Variants in MTUS2 observed in about 807,000 individuals in gnomAD.
MTUS2 encodes microtubule-associated tumor suppressor candidate 2.
In MTUS2, 40 loss-of-function variants were observed where a neutral mutation model predicts 114.1. That is an observed-to-expected ratio of 0.35 (90% CI 0.27 to 0.46). The LOEUF (loss-of-function observed/expected upper bound fraction) is 0.46, where lower values mean the gene tolerates loss of function less well. MTUS2 is among the 20% of genes least tolerant of loss of function. MTUS2 has a pLI of 1.00. For synonymous variants in MTUS2, 688 were observed against 672.0 expected (o/e 1.02, Z -0.37); for missense variants, 1,679 against 1,705.4 (o/e 0.98, Z 0.27).
At chr13:28,899,470 C>T (rs183752042) in intron 2 of MTUS2, among the ~76,000 whole-genome samples, 8 of 152,220 alleles carry the variant, frequency 5.3e-5, no homozygotes, top group East Asian at 1.9e-4. Context: ...AGTGCAGTGG[C>T]GTGATCTCGG....
At chr13:28,854,204 G>T (rs1293882946) in intron 2 of MTUS2, among the ~76,000 whole-genome samples, 1 of 152,170 alleles carries the variant, frequency 6.6e-6, no homozygotes, top group Non-Finnish European at 1.5e-5. Flanking sequence ...CAGGTCATTT[G>T]TATGCACATT....
intron 8 of MTUS2, among the ~76,000 whole-genome samples, chr13:29,369,510 T>A (rs1871033675): frequency 6.6e-6 from 1 of 152,124 alleles, no homozygotes; most frequent in South Asian, 2.1e-4. Context: ...ACAGCTCAGC[T>A]CCTTTCATTT....
intron 9 of MTUS2, among the ~76,000 whole-genome samples, chr13:29,460,016 A>G (rs1879372523): frequency 6.6e-6 from 1 of 152,216 alleles, no homozygotes; most frequent in African/African-American, 2.4e-5. Flanking sequence ...CTTGCAGACC[A>G]CAGGTATATC....
rs561632935 is a variant in MTUS2, at chr13:28,994,609, G to A, written c.-242-29848G>A. 5.9e-5 allele frequency among the ~76,000 whole-genome samples: 9 copies of A among 152,268 alleles called. No individual in the cohort carries two copies. In the South Asian group the frequency reaches 8.3e-4, roughly 14 times the overall value. ...ATCGCTATTCTAAATGGTGTGAGAC[G>A]GTATCTCATTGTGGTTTTGATTTTC... On this transcript the variant is annotated intron_variant, in intron 2 of 15. Coordinates refer to ENST00000612955, the MANE Select transcript of MTUS2 (RefSeq NM_001033602.4).
chr13:29,300,635 T>A (rs950626809), intron 6 of MTUS2, among the ~76,000 whole-genome samples: 3 of 151,932 alleles, frequency 2.0e-5, no homozygotes, highest in Non-Finnish European at 4.4e-5. Flanking sequence ...TTCTACTAGC[T>A]ATATTACATT....
intron 5 of MTUS2, among the ~76,000 whole-genome samples, chr13:29,253,057 T>A (rs1282313627): frequency 6.6e-6 from 1 of 150,668 alleles, no homozygotes; most frequent in South Asian, 2.1e-4. Flanking sequence ...TTGGGACTTT[T>A]CTGTCATTTT....
chr13:29,337,475 C>T (rs1358109823), intron 7 of MTUS2, among the ~76,000 whole-genome samples: 1 of 152,212 alleles, frequency 6.6e-6, no homozygotes, highest in Non-Finnish European at 1.5e-5. Context: ...ATGGGCTGCA[C>T]CCACTGTCTA....
In MTUS2 at chr13:29,498,469, C is replaced by T. The variant is rs1882693269; in HGVS notation, c.3730C>T (p.Gln1244Ter). Residue 1244 changes from glutamine to a stop codon, truncating the protein, a stop_gained, in exon 14 of 16, where the codon CAG (glutamine) becomes TAG (stop). Transcript: ENST00000612955. LOFTEE classifies it high-confidence loss of function. ...GGAAGAAGACATGAAGAGTCTGAAG[C>T]AGGTATTAGAAATGAAGAATCAGCA... ...HLEEDMKSLKQVLEMKNQQIH... is the reference protein window; with the variant it reads ...HLEEDMKSLK The T allele has an allele frequency of 6.2e-7, 1 of 1,613,976 alleles. No homozygotes were observed. Among genetic ancestry groups the T allele is most frequent in the Non-Finnish European group, 8.5e-7 (1 of 1,180,028 alleles).
intron 2 of MTUS2, among the ~76,000 whole-genome samples, chr13:28,956,133 C>T (rs1883053123): frequency 6.6e-6 from 1 of 150,712 alleles, no homozygotes. Context: ...AGCTTAGCTC[C>T]CACATACCAG....
intron 4 of MTUS2, among the ~76,000 whole-genome samples, chr13:29,059,579 G>A (rs117705386): frequency 6.6e-6 from 1 of 152,112 alleles, no homozygotes. Flanking sequence ...AGAGGCGAGG[G>A]TGGGTGAAGT....
intron 2 of MTUS2, among the ~76,000 whole-genome samples, chr13:28,945,149 C>T (rs747380686): frequency 7.4e-5 from 11 of 148,952 alleles, no homozygotes; most frequent in Non-Finnish European, 1.5e-4. Context: ...AGACATGATT[C>T]GTTGTTTTTT....
intron 7 of MTUS2, among the ~76,000 whole-genome samples, chr13:29,337,999 G>T (rs1210021313): frequency 3.4e-5 from 5 of 147,360 alleles, no homozygotes; most frequent in African/African-American, 1.2e-4. Flanking sequence ...CATGTTGGTT[G>T]GCCAGGATGG....
At chr13:29,146,631 C>A (rs1199309452) in intron 5 of MTUS2, among the ~76,000 whole-genome samples, 1 of 152,136 alleles carries the variant, frequency 6.6e-6, no homozygotes, top group Non-Finnish European at 1.5e-5. Flanking sequence ...ATTTACTTGA[C>A]ACTTAAGATA....
chr13:29,275,606 G>A (rs1898035274), intron 5 of MTUS2, among the ~76,000 whole-genome samples: 1 of 152,124 alleles, frequency 6.6e-6, no homozygotes, highest in Non-Finnish European at 1.5e-5. Context: ...CCATAGATAA[G>A]TGAGAACATG....
chr13:29,060,632 A>G (rs1488496426), intron 4 of MTUS2, among the ~76,000 whole-genome samples: 1 of 150,438 alleles, frequency 6.6e-6, no homozygotes, highest in African/African-American at 2.5e-5. Context: ...TCTATTTAAA[A>G]TAGGCTTTAA....
intron 4 of MTUS2, among the ~76,000 whole-genome samples, chr13:29,060,591 C>T (rs542058063): frequency 7.9e-4 from 81 of 102,256 alleles, no homozygotes; most frequent in South Asian, 1.7e-3. Context: ...AATCACTTTT[C>T]GGTCTTTTAC....
chr13:29,223,861 T>C (rs1436394970), intron 5 of MTUS2, among the ~76,000 whole-genome samples: 2 of 152,214 alleles, frequency 1.3e-5, no homozygotes, highest in Admixed American at 1.3e-4. Flanking sequence ...GTCCTCAAGC[T>C]TCCAGGAGCC....
chr13:29,479,543 G>A (rs1053212561), intron 9 of MTUS2, among the ~76,000 whole-genome samples: 9 of 152,168 alleles, frequency 5.9e-5, no homozygotes, highest in African/African-American at 1.4e-4. Flanking sequence ...AAGAGATACC[G>A]AGTAGAAAAC....
intron 2 of MTUS2, among the ~76,000 whole-genome samples, chr13:28,969,621 G>A (rs1043242165): frequency 2.6e-5 from 4 of 151,910 alleles, no homozygotes; most frequent in African/African-American, 4.8e-5. Context: ...TCCTGCCTCA[G>A]CCTCCCAAAT....
Sources: gnomAD v4.1 joint callset for allele counts (sites outside exome capture counted in the v4.1 genomes callset) on GRCh38, gnomAD v4.1.1 for gene constraint, MANE v1.5 for transcripts, NCBI Gene and HGNC (gene_info 2026-07-23, HGNC 2026-07-21) for gene names.